Variants in ZNF423 observed in about 807,000 individuals in gnomAD.
The protein encoded by ZNF423 is Ebf-associated zinc finger protein.
Under a neutral mutation model 95.8 loss-of-function variants are expected in ZNF423, and 12 were observed. That is an observed-to-expected ratio of 0.13 (90% CI 0.08 to 0.20). The LOEUF is 0.20. ZNF423 is among the 10% of genes least tolerant of loss of function. ZNF423 has a pLI of 1.00. For synonymous variants in ZNF423, 749 were observed against 711.9 expected (o/e 1.05, Z -0.83); for missense variants, 1,316 against 1,737.1 (o/e 0.76, Z 4.31).
intron 5 of ZNF423, among the ~76,000 whole-genome samples, chr16:49,556,728 T>C (rs1178150450): frequency 6.6e-6 from 1 of 152,242 alleles, no homozygotes; most frequent in African/African-American, 2.4e-5. Context: ...CTTTTGTAAA[T>C]GCCTCGTGTA....
chr16:49,530,233 A>AC (rs1279195932), intron 5 of ZNF423, among the ~76,000 whole-genome samples: 1 of 151,662 alleles, frequency 6.6e-6, no homozygotes. Context: ...CCTTGCTGAG[A>AC]CCCCCAGACC....
chr16:49,503,379 A>C (rs1967508294), intron 7 of ZNF423, among the ~76,000 whole-genome samples: 1 of 152,102 alleles, frequency 6.6e-6, no homozygotes, highest in South Asian at 2.1e-4. Flanking sequence ...CACCCGGAAC[A>C]CATCCGGACT....
intron 5 of ZNF423, among the ~76,000 whole-genome samples, chr16:49,605,640 T>C (rs1189076555): frequency 1.3e-5 from 2 of 152,130 alleles, no homozygotes; most frequent in African/African-American, 4.8e-5. Flanking sequence ...TATTTTTCAA[T>C]AAATGAAGCC....
At chr16:49,513,955 G>A (rs748079974) in intron 7 of ZNF423, among the ~76,000 whole-genome samples, 14 of 152,118 alleles carry the variant, frequency 9.2e-5, no homozygotes, top group Admixed American at 8.5e-4. Flanking sequence ...CTGGGTAGGC[G>A]ATGCGAGGCC....
chr16:49,541,057 A>G (rs1185571547), intron 5 of ZNF423, among the ~76,000 whole-genome samples: 1 of 151,914 alleles, frequency 6.6e-6, no homozygotes, highest in Non-Finnish European at 1.5e-5. Context: ...CCACAGGCAC[A>G]CTCCCTGCTC....
chr16:49,846,800 C>T (rs919443364), intron 1 of ZNF423, among the ~76,000 whole-genome samples: 1 of 152,184 alleles, frequency 6.6e-6, no homozygotes, highest in South Asian at 2.1e-4. Flanking sequence ...AGGGACAAAG[C>T]CATATCTCTT....
At chr16:49,829,292 G>A (rs1273100431) in intron 1 of ZNF423, among the ~76,000 whole-genome samples, 1 of 152,148 alleles carries the variant, frequency 6.6e-6, no homozygotes, top group Non-Finnish European at 1.5e-5. Context: ...GGAGTGGGCT[G>A]GGCTAGATAC....
At chr16:49,687,040 C>A (rs977527493) in intron 3 of ZNF423, among the ~76,000 whole-genome samples, 25 of 152,144 alleles carry the variant, frequency 1.6e-4, no homozygotes, top group African/African-American at 6.0e-4. Context: ...GATGGCGACA[C>A]CCCCTCCATG....
rs537573900 is a variant in ZNF423 at position 49,784,454 on chromosome 16, C to A, written c.100+5033G>T. Among the ~76,000 whole-genome samples, 150 of 152,278 alleles carry A rather than the reference C, an allele frequency of 9.9e-4. 2 individuals carry two copies. Among genetic ancestry groups the A allele is most frequent in the Admixed American group, 3.5e-3 (53 of 15,292 alleles). On this transcript the variant is annotated intron_variant, in intron 2 of 7. Transcript: ENST00000563137. ...AGATGAAAACAACCAAAATGTCAAT[C>A]AACAATACCCAAACAAAATGTGGTC...
chr16:49,685,663 G>A (rs537886050), intron 3 of ZNF423, among the ~76,000 whole-genome samples: 7 of 152,180 alleles, frequency 4.6e-5, no homozygotes, highest in Non-Finnish European at 8.8e-5. Flanking sequence ...TCCCTAGGAC[G>A]GCTCTCGCAC....
intron 5 of ZNF423, among the ~76,000 whole-genome samples, chr16:49,566,614 A>C (rs1293098921): frequency 1.3e-5 from 2 of 152,248 alleles, no homozygotes; most frequent in Admixed American, 6.5e-5. Context: ...CAGCAGCTGT[A>C]TCTCTTTCAT....
At position 49,491,130 on chromosome 16, in the gene ZNF423, A is replaced by T. The variant is rs776633021; in HGVS notation, c.*145T>A. ...CATTAATATTCATTTCCAGCTGCTT[A>T]TAATAGCAGCGCCTCATGGCCAAAT... is the stretch of plus-strand genomic sequence containing the variant. On this transcript the variant is annotated 3_prime_UTR_variant, in exon 8 of 8. Transcript: ENST00000563137. The T allele has an allele frequency of 1.9e-5, 17 of 893,932 alleles. No homozygotes were observed. Among genetic ancestry groups the T allele is most frequent in the Non-Finnish European group, 2.8e-5 (15 of 541,034 alleles). 55.4% of individuals were successfully genotyped at this position (893,932 alleles called of 1,614,324 possible). A position where few individuals can be genotyped will look rare whatever the true frequency, so the allele number is the denominator to read the frequency against.
At chr16:49,531,094 T>C (rs1030224952) in intron 5 of ZNF423, among the ~76,000 whole-genome samples, 1 of 151,952 alleles carries the variant, frequency 6.6e-6, no homozygotes, top group African/African-American at 2.4e-5. Context: ...GGGGAGGAGG[T>C]AGCCCTGCAT....
chr16:49,676,095 T>C (rs922645712), intron 3 of ZNF423, among the ~76,000 whole-genome samples: 1 of 152,248 alleles, frequency 6.6e-6, no homozygotes, highest in Non-Finnish European at 1.5e-5. Context: ...AAACACTTGC[T>C]GCATGAGGGA....
chr16:49,546,389 G>A (rs969821464), intron 5 of ZNF423, among the ~76,000 whole-genome samples: 1 of 152,052 alleles, frequency 6.6e-6, no homozygotes, highest in African/African-American at 2.4e-5. Flanking sequence ...GGTGTCCTTG[G>A]GTAAGTTGGT....
Position 49,855,063 on chromosome 16 carries a change from G to T in ZNF423, c.40+672C>A. ...TGCAGACAATGAACTCCTGGCGGAG[G>T]CTCCCTGCCCGGTGGGCCTCGGTGG... On this transcript the variant is annotated intron_variant, in intron 1 of 7. Transcript: ENST00000563137. This position sits in a 1 kb window ranked among gnomAD's most constrained non-coding sequence, Gnocchi z 4.7. The T allele has an allele frequency of 2.0e-6, 2 of 984,050 alleles. No individual in the cohort carries two copies. Among genetic ancestry groups the T allele is most frequent in the Middle Eastern group, 1.0e-3 (2 of 1,910 alleles). 61.0% of individuals were successfully genotyped at this position (984,050 alleles called of 1,614,324 possible). A position where few individuals can be genotyped will look rare whatever the true frequency, so the allele number is the denominator to read the frequency against.
chr16:49,735,280 C>T (rs546869314), intron 2 of ZNF423, among the ~76,000 whole-genome samples: 21 of 152,286 alleles, frequency 1.4e-4, no homozygotes, highest in African/African-American at 4.1e-4. Context: ...TCACACAGTT[C>T]CCAAAGATCT....
chr16:49,792,928 AT>A (rs869120624), intron 1 of ZNF423, among the ~76,000 whole-genome samples: 1 of 151,858 alleles, frequency 6.6e-6, no homozygotes, highest in African/African-American at 2.4e-5. Flanking sequence ...CATCTGGCTA[AT>A]TTTTTTATTT....
At chr16:49,759,324 G>A (rs925467386) in intron 2 of ZNF423, among the ~76,000 whole-genome samples, 4 of 152,032 alleles carry the variant, frequency 2.6e-5, no homozygotes, top group Admixed American at 6.5e-5. Flanking sequence ...GCTTGAACCC[G>A]GGAGGCGGAG....
Sources: gnomAD v4.1 joint callset for allele counts (sites outside exome capture counted in the v4.1 genomes callset) on GRCh38, gnomAD v4.1.1 for gene constraint, Gnocchi (gnomAD v3.1) non-coding constraint, MANE v1.5 for transcripts, NCBI Gene and HGNC (gene_info 2026-07-23, HGNC 2026-07-21) for gene names.